The following C6 variants were observed in gnomAD, a reference collection of about 807,000 sequenced individuals.
C6 encodes the protein complement C6, also known as complement component C6.
In C6, 101 loss-of-function variants were observed where a neutral mutation model predicts 112.9. The observed-to-expected ratio is 0.89, with a 90% CI of 0.76 to 1.06. The LOEUF is 1.06. Among genes scored for constraint, C6 ranks in the 50% least tolerant of loss-of-function variants. The pLI is 0.00. For synonymous variants in C6, 431 were observed against 384.1 expected, an observed-to-expected ratio of 1.12 and a Z score of -1.43; for missense variants, 1,202 against 1,104.6, an observed-to-expected ratio of 1.09 and a Z score of -1.25.
chr5:41,260,614 A>G (rs1741997714), intron 1 of C6, among the ~76,000 whole-genome samples: 1 of 151,972 alleles, frequency 6.6e-6, no homozygotes, highest in African/African-American at 2.4e-5. Flanking sequence ...TACTAAAAAT[A>G]CAAAAAAAAA....
intron 1 of C6, among the ~76,000 whole-genome samples, chr5:41,209,787 C>G (rs954668924): frequency 1.3e-5 from 2 of 152,192 alleles, no homozygotes; most frequent in Admixed American, 6.5e-5. Context: ...AATGGCCATA[C>G]TGCTCAAGGT....
intron 7 of C6, among the ~76,000 whole-genome samples, chr5:41,177,664 G>GAAA (rs1235561874): frequency 6.6e-6 from 1 of 151,726 alleles, no homozygotes; most frequent in South Asian, 2.1e-4. Context: ...TGACACAAAA[G>GAAA]AAAAAAAATA....
chr5:41,208,935 C>T lies in C6; in HGVS notation c.-21+4441G>A, dbSNP rs914014756. 3.9e-5 allele frequency among the ~76,000 whole-genome samples: 6 copies of T among 152,168 alleles called. No homozygotes were observed. The South Asian group carries it at 1.0e-3, about 26-fold the overall frequency. ...CACAACGAAAAAAGAGAATTTTAGA[C>T]CAATATCCCTGATGAACATCGATGC... On this transcript the variant is annotated intron_variant, in intron 1 of 17. Coordinates refer to ENST00000337836, the MANE Select transcript of C6 (RefSeq NM_000065.5).
At chr5:41,231,730 T>C (rs1739912426) in intron 1 of C6, among the ~76,000 whole-genome samples, 1 of 152,092 alleles carries the variant, frequency 6.6e-6, no homozygotes, top group African/African-American at 2.4e-5. Flanking sequence ...TGATTCTGTT[T>C]CTAACATGTT....
At chr5:41,204,292 T>G (rs1306304849) in intron 1 of C6, among the ~76,000 whole-genome samples, 1 of 152,252 alleles carries the variant, frequency 6.6e-6, no homozygotes, top group Non-Finnish European at 1.5e-5. Context: ...AAGGTTCATG[T>G]AAACTGCTTA....
At chr5:41,233,737 T>TTTTGAA (rs1433628208) in intron 1 of C6, among the ~76,000 whole-genome samples, 14 of 152,124 alleles carry the variant, frequency 9.2e-5, no homozygotes, top group African/African-American at 2.9e-4. Context: ...TATCTAATCT[T>TTTTGAA]AGAAGATTTG....
chr5:41,162,089 T>C (rs941380141), intron 9 of C6, among the ~76,000 whole-genome samples: 4 of 152,174 alleles, frequency 2.6e-5, no homozygotes, highest in Non-Finnish European at 5.9e-5. Flanking sequence ...AAGCATCTGG[T>C]AGATGCCAGG....
chr5:41,189,895 C>G (rs1007357675), intron 5 of C6, among the ~76,000 whole-genome samples: 1 of 152,114 alleles, frequency 6.6e-6, no homozygotes, highest in Non-Finnish European at 1.5e-5. Context: ...GCTTATTTCA[C>G]TTAATATCCT....
At chr5:41,229,175 A>G (rs10064818) in intron 1 of C6, among the ~76,000 whole-genome samples, 15,835 of 151,882 alleles carry the variant, frequency 0.1, 944 homozygotes, top group Admixed American at 0.19. Flanking sequence ...TCTATTTTCT[A>G]TTTCATTTAT....
intron 1 of C6, among the ~76,000 whole-genome samples, chr5:41,241,325 C>T (rs897102168): frequency 3.3e-5 from 5 of 152,172 alleles, no homozygotes; most frequent in African/African-American, 1.2e-4. Flanking sequence ...TGGGAAGATT[C>T]TAACAATAAA....
intron 1 of C6, among the ~76,000 whole-genome samples, chr5:41,246,316 A>G (rs1345232885): frequency 1.3e-5 from 2 of 152,176 alleles, no homozygotes; most frequent in Non-Finnish European, 2.9e-5. Context: ...AGCTGGCCAA[A>G]TGCTAGGCTC....
intron 13 of C6, 42 bp downstream of exon 13, chr5:41,158,632 T>C: frequency 9.1e-7 from 1 of 1,102,962 alleles, no homozygotes; most frequent in Non-Finnish European, 1.4e-6. Flanking sequence ...CTTTTCGAGG[T>C]TTTTAAAACT....
chr5:41,240,137 G>C (rs1740606352), intron 1 of C6, among the ~76,000 whole-genome samples: 1 of 152,100 alleles, frequency 6.6e-6, no homozygotes, highest in Non-Finnish European at 1.5e-5. Flanking sequence ...GCTTGAAAAG[G>C]TTTTTAGCTA....
intron 1 of C6, among the ~76,000 whole-genome samples, chr5:41,224,269 G>A (rs1439635645): frequency 6.6e-6 from 1 of 151,984 alleles, no homozygotes; most frequent in East Asian, 1.9e-4. Context: ...GCCATGCAAT[G>A]CACCCATTTA....
intron 9 of C6, among the ~76,000 whole-genome samples, chr5:41,166,020 C>T (rs1182770625): frequency 6.6e-6 from 1 of 152,088 alleles, no homozygotes; most frequent in Admixed American, 6.6e-5. Flanking sequence ...CTGTGAATTT[C>T]TTGGCAAGGT....
Position 41,187,002 on chromosome 5 carries a change from T to C in C6, c.588-794A>G, listed in dbSNP as rs140297511. On this transcript the variant is annotated intron_variant, in intron 5 of 17. Transcript: ENST00000337836. The stretch of plus-strand genomic sequence containing the variant: ...TTCTGTGAAAAAAGTAGTTTTTTTG[T>C]CAAACAGTTTGGTAATGCTGTATTA... Among the ~76,000 whole-genome samples, 22 of 152,196 alleles carry C rather than the reference T, an allele frequency of 1.4e-4. 1 individual carries two copies. The East Asian group carries it at 4.0e-3, about 28-fold the overall frequency.
At chr5:41,223,691 GTTTA>G (rs1477566508) in intron 1 of C6, among the ~76,000 whole-genome samples, 1 of 152,084 alleles carries the variant, frequency 6.6e-6, no homozygotes, top group African/African-American at 2.4e-5. Context: ...GAAATTCACA[GTTTA>G]TTTATGCAAT....
At position 41,155,027 on chromosome 5, in the gene C6, C is replaced by T. The variant is rs777847432; in HGVS notation, c.2046G>A (p.Gln682=). 2.4e-5 allele frequency: 39 copies of T among 1,613,626 alleles called. No homozygotes were observed. In the South Asian group the frequency reaches 4.2e-4, roughly 17 times the overall value. The change falls in exon 14 of 18, where the codon CAG becomes CAA. Residue 682 remains glutamine (Q), a synonymous_variant. Transcript: ENST00000337836. ...CLTGFETVGY[Q]YFRCLPDGTW... ...TCCCGTCTGGTAAGCATCTGAAGTA[C>T]TGGTATCCAACAGTTTCAAAGCCAG...
intron 17 of C6, among the ~76,000 whole-genome samples, chr5:41,143,736 C>T (rs6451564): frequency 0.038 from 5,751 of 152,244 alleles, 369 homozygotes; most frequent in African/African-American, 0.13. Flanking sequence ...AACATAACTC[C>T]ATATCACATT....
Sources: gnomAD v4.1 joint callset for allele counts (sites outside exome capture counted in the v4.1 genomes callset) on GRCh38, gnomAD v4.1.1 for gene constraint, MANE v1.5 for transcripts, NCBI Gene and HGNC (gene_info 2026-07-23, HGNC 2026-07-21) for gene names.